G3BP1: variants seen among roughly 807,000 people sequenced by gnomAD.
The protein encoded by G3BP1 is ras GTPase-activating protein-binding protein 1.
Under a neutral mutation model 58.6 loss-of-function variants are expected in G3BP1, and 35 were observed. The ratio of observed to expected loss-of-function variants is 0.60; its 90% CI spans 0.46 to 0.79. G3BP1 has a LOEUF of 0.79. Among genes scored for constraint, G3BP1 ranks in the 30% least tolerant of loss-of-function variants. The probability of loss-of-function intolerance (pLI) is 0.00; values close to 1 mark genes in which losing one functional copy is unlikely to be tolerated. For synonymous variants in G3BP1, 191 were observed against 195.4 expected (o/e 0.98, Z 0.19); for missense variants, 523 against 580.8 (o/e 0.90, Z 1.02).
In G3BP1 at chr5:151,811,920, T is replaced by C. The variant is rs185216699; in HGVS notation, c.*7829T>C. 2.6e-5 allele frequency: 4 copies of C among 152,334 alleles called. No individual in the cohort carries two copies. The East Asian group carries it at 7.7e-4, about 29-fold the overall frequency. The allele number at this position is 152,334 out of a possible 1,614,324, so 9.4% of individuals were successfully genotyped here. ...TCTTCTTCATAAGGATGAGGAACTT[T>C]GTAATTCTGACCTGATTTTCCAGGC... On this transcript the variant is annotated 3_prime_UTR_variant, in exon 12 of 12. Coordinates refer to ENST00000356245, the MANE Select transcript of G3BP1 (RefSeq NM_005754.3).
chr5:151,778,484 C>T (rs372048863), intron 1 of G3BP1, among the ~76,000 whole-genome samples: 50 of 152,118 alleles, frequency 3.3e-4, no homozygotes, highest in South Asian at 8.3e-4. Flanking sequence ...TCTTGTTGCC[C>T]GGGCTGGAGT....
intron 1 of G3BP1, chr5:151,772,637 C>G (rs1581567585): frequency 6.6e-6 from 1 of 152,510 alleles, no homozygotes. Context: ...ACTTTTCTGC[C>G]TTTCATTTGA....
At chr5:151,777,987 G>A (rs1022317085) in intron 1 of G3BP1, among the ~76,000 whole-genome samples, 7 of 152,120 alleles carry the variant, frequency 4.6e-5, no homozygotes, top group Middle Eastern at 3.4e-3. Flanking sequence ...TGGTTTACCT[G>A]TTGGTGGGCA....
intron 2 of G3BP1, chr5:151,787,694 A>G (rs1762574369): frequency 4.4e-6 from 1 of 226,992 alleles, no homozygotes; most frequent in Non-Finnish European, 9.3e-6. Flanking sequence ...ACTTGTTAGA[A>G]TAATTTCATA....
chr5:151,774,424 G>A (rs1032879395), intron 1 of G3BP1, among the ~76,000 whole-genome samples: 4 of 151,708 alleles, frequency 2.6e-5, no homozygotes, highest in African/African-American at 7.3e-5. Flanking sequence ...GTAAAAGTTT[G>A]TGAATTTTAT....
intron 1 of G3BP1, among the ~76,000 whole-genome samples, chr5:151,777,261 C>G (rs1762388352): frequency 6.6e-6 from 1 of 152,180 alleles, no homozygotes; most frequent in Non-Finnish European, 1.5e-5. Flanking sequence ...TGTTTGAATA[C>G]ATGACATAAT....
Position 151,806,328 on chromosome 5 carries a change from T to C in G3BP1, c.*2237T>C, listed in dbSNP as rs1203650936. The C allele has an allele frequency of 6.6e-6, 1 of 152,222 alleles. No individual in the cohort carries two copies. The highest frequency in any genetic ancestry group is 2.4e-5 in the African/African-American group (1 of 41,448). The allele number at this position is 152,222 out of a possible 1,614,324, so 9.4% of individuals were successfully genotyped here. Reference sequence around the variant, plus strand: ...ATTAGTAATTTCACTTTTTATTATTTGTACCAAATGTATGTGTGTGTTGTG... The same window carrying C: ...ATTAGTAATTTCACTTTTTATTATTCGTACCAAATGTATGTGTGTGTTGTG... On this transcript the variant is annotated 3_prime_UTR_variant, in exon 12 of 12. Coordinates refer to ENST00000356245, the MANE Select transcript of G3BP1 (RefSeq NM_005754.3).
At chr5:151,782,080 G>A (rs1035422718) in intron 1 of G3BP1, among the ~76,000 whole-genome samples, 1 of 152,116 alleles carries the variant, frequency 6.6e-6, no homozygotes. Flanking sequence ...ACAAGAGAGT[G>A]GGATGTAGAA....
At chr5:151,789,732 G>A (rs1223849329) in intron 2 of G3BP1, among the ~76,000 whole-genome samples, 2 of 152,082 alleles carry the variant, frequency 1.3e-5, no homozygotes, top group Non-Finnish European at 2.9e-5. Context: ...ATGTATTGGT[G>A]GCCATCTTGA....
Position 151,807,779 on chromosome 5 carries a change from A to T in G3BP1, c.*3688A>T, listed in dbSNP as rs1238253687. Reference sequence around the variant, plus strand: ...AAAATGTTGCACTTTATAGAAGGCCATTTTAGAACTTACAGGTAACCTTTT... The same window carrying T: ...AAAATGTTGCACTTTATAGAAGGCCTTTTTAGAACTTACAGGTAACCTTTT... On this transcript the variant is annotated 3_prime_UTR_variant, in exon 12 of 12. Transcript: ENST00000356245. The T allele has an allele frequency of 2.6e-5, 4 of 152,230 alleles. No homozygotes were observed. Among genetic ancestry groups the T allele is most frequent in the Non-Finnish European group, 4.4e-5 (3 of 68,040 alleles). 9.4% of individuals were successfully genotyped at this position (152,230 alleles called of 1,614,324 possible).
chr5:151,800,894 T>TG, intron 11 of G3BP1, 25 bp downstream of exon 11: 1 of 1,111,858 alleles, frequency 9.0e-7, no homozygotes. Flanking sequence ...GTCTTGATTT[T>TG]TTTTTTTTTT....
At chr5:151,786,502 G>GAAAT in intron 1 of G3BP1, 70 bp from the exon 2 acceptor site, 1 of 703,520 alleles carries the variant, frequency 1.4e-6, no homozygotes, top group Non-Finnish European at 2.6e-6. Context: ...ACGACTTGCT[G>GAAAT]AAATGATCTT....
chr5:151,775,090 C>T (rs1285460673), intron 1 of G3BP1, among the ~76,000 whole-genome samples: 1 of 152,118 alleles, frequency 6.6e-6, no homozygotes. Context: ...AAAAAATTGC[C>T]CTCACAGCCT....
In G3BP1 at chr5:151,810,852, G is replaced by A. The variant is rs1370598463; in HGVS notation, c.*6761G>A. 6.6e-6 allele frequency: 1 copy of A among 151,168 alleles called. No individual in the cohort carries two copies. The highest frequency in any genetic ancestry group is 6.6e-5 in the Admixed American group (1 of 15,136). The allele number at this position is 151,168 out of a possible 1,614,324, so 9.4% of individuals were successfully genotyped here. ...ATTTGGGGGGATGGATATATAAGGG[G>A]GAGGAAGTCACTGGCCAGTTTGAGG... is the stretch of plus-strand genomic sequence containing the variant. On this transcript the variant is annotated 3_prime_UTR_variant, in exon 12 of 12. Transcript: ENST00000356245.
chr5:151,790,153 C>T (rs1223001969), intron 2 of G3BP1, among the ~76,000 whole-genome samples, 170 bp from the exon 3 acceptor site: 1 of 151,038 alleles, frequency 6.6e-6, no homozygotes, highest in African/African-American at 2.4e-5. Context: ...AGATCATAGC[C>T]CCGGCACATC....
At chr5:151,780,212 T>A (rs957993779) in intron 1 of G3BP1, among the ~76,000 whole-genome samples, 9 of 152,230 alleles carry the variant, frequency 5.9e-5, no homozygotes, top group Admixed American at 2.0e-4. Flanking sequence ...TCTGTTTTGT[T>A]TGCTGTCCAT....
chr5:151,790,670 T>G (rs1379178009), intron 3 of G3BP1, among the ~76,000 whole-genome samples: 1 of 152,176 alleles, frequency 6.6e-6, no homozygotes, highest in African/African-American at 2.4e-5. Flanking sequence ...TTTTCTAAAC[T>G]TTGAAAAGTG....
chr5:151,786,086 G>A (rs1762551128), intron 1 of G3BP1, among the ~76,000 whole-genome samples: 1 of 152,216 alleles, frequency 6.6e-6, no homozygotes, highest in African/African-American at 2.4e-5. Flanking sequence ...GAGGTCAGGA[G>A]TTTGAGACCA....
intron 1 of G3BP1, among the ~76,000 whole-genome samples, chr5:151,776,425 G>A (rs934695289): frequency 6.6e-6 from 1 of 152,200 alleles, no homozygotes; most frequent in South Asian, 2.1e-4. Flanking sequence ...GGAGGAGAAT[G>A]TGAATTTGTG....
Sources: allele counts gnomAD v4.1 joint callset (sites outside exome capture counted in the v4.1 genomes callset), GRCh38; gene constraint gnomAD v4.1.1; transcripts MANE v1.5; gene names NCBI Gene and HGNC (gene_info 2026-07-23, HGNC 2026-07-21).